Variants in PWWP3B observed in about 807,000 individuals in gnomAD.
PWWP3B encodes PWWP domain-containing DNA repair factor 3B.
In PWWP3B, 5 loss-of-function variants were observed where a neutral mutation model predicts 15.7. That is an observed-to-expected ratio of 0.32 (90% CI 0.17 to 0.67). The LOEUF is 0.67. Among genes scored for constraint, PWWP3B ranks in the 30% least tolerant of loss-of-function variants. The pLI is 0.74. For missense variants in PWWP3B, 519 were observed against 493.1 expected, an observed-to-expected ratio of 1.05 and a Z score of -0.50; for synonymous variants, 203 against 179.8, an observed-to-expected ratio of 1.13 and a Z score of -1.03.
intron 2 of PWWP3B, among the ~76,000 whole-genome samples, chrX:106,172,869 C>G (rs924047342): frequency 9.0e-6 from 1 of 111,645 alleles, no homozygotes; most frequent in African/African-American, 3.3e-5. Context: ...ACCAGCAGCA[C>G]CACAAACAGG....
intron 2 of PWWP3B, among the ~76,000 whole-genome samples, chrX:106,191,413 T>C (rs1163126949): frequency 8.9e-6 from 1 of 111,958 alleles, no homozygotes; most frequent in East Asian, 2.8e-4. Flanking sequence ...TTTGCTGAAG[T>C]TGCTTATCAG....
chrX:106,202,463 T>C (rs1923757067), intron 2 of PWWP3B, among the ~76,000 whole-genome samples: 1 of 111,853 alleles, frequency 8.9e-6, no homozygotes. Flanking sequence ...TAAACACACA[T>C]AGACACACAA....
In PWWP3B at chrX:106,175,054, A is replaced by AAAG. The variant is rs1225849554; in HGVS notation, c.-401+3921_-401+3923dup. On this transcript the variant is annotated intron_variant, in intron 2 of 3. Coordinates refer to ENST00000357175, the MANE Select transcript of PWWP3B (RefSeq NM_001171020.2). Reference sequence around the variant, plus strand: ...AGACTCTGTCTCAAAAAAAAAAAAAAAAGAAGAAAAAAGCATAGTGCATGA... The same window carrying AAAG: ...AGACTCTGTCTCAAAAAAAAAAAAAAAAGAAGAAGAAAAAAGCATAGTGCATGA... Among the ~76,000 whole-genome samples the AAAG allele has an allele frequency of 5.9e-3, 633 of 106,988 alleles. 3 individuals are homozygous for AAAG. Among genetic ancestry groups the AAAG allele is most frequent in the African/African-American group, 0.021 (602 of 29,180 alleles). 92.9% of individuals were successfully genotyped at this position (106,988 alleles called of 115,157 possible).
At chrX:106,171,278 T>C (rs1921599469) in intron 2 of PWWP3B, 139 bp downstream of exon 2, 1 of 112,376 alleles carries the variant, frequency 8.9e-6, no homozygotes, top group African/African-American at 3.2e-5. Context: ...GTAAGGATTA[T>C]GTTAGGTTGA....
intron 2 of PWWP3B, among the ~76,000 whole-genome samples, chrX:106,199,274 T>C (rs1388905321): frequency 1.8e-5 from 2 of 111,359 alleles, no homozygotes; most frequent in East Asian, 2.8e-4. Flanking sequence ...GCCAGAATGG[T>C]CTTGATCTCC....
chrX:106,185,945 G>A (rs1210745614), intron 2 of PWWP3B, among the ~76,000 whole-genome samples: 5 of 112,136 alleles, frequency 4.5e-5, no homozygotes, highest in African/African-American at 1.6e-4. Context: ...CCACCATGGG[G>A]CTTTGGGCAA....
intron 2 of PWWP3B, among the ~76,000 whole-genome samples, chrX:106,182,207 A>G (rs758333188): frequency 8.9e-6 from 1 of 112,121 alleles, no homozygotes; most frequent in South Asian, 3.7e-4. Context: ...ATTTCTTGCA[A>G]ACTATCTGAG....
intron 2 of PWWP3B, among the ~76,000 whole-genome samples, chrX:106,195,644 G>A (rs955191947): frequency 9.0e-6 from 1 of 111,690 alleles, no homozygotes; most frequent in African/African-American, 3.3e-5. Flanking sequence ...TGGTCTCTTT[G>A]CATTCTATTG....
intron 2 of PWWP3B, among the ~76,000 whole-genome samples, chrX:106,191,794 A>G (rs1446858605): frequency 9.0e-6 from 1 of 111,643 alleles, no homozygotes; most frequent in African/African-American, 3.3e-5. Context: ...ATCTATTGAG[A>G]TAATCATGTG....
At chrX:106,183,846 T>G (rs1480216775) in intron 2 of PWWP3B, among the ~76,000 whole-genome samples, 4 of 112,456 alleles carry the variant, frequency 3.6e-5, no homozygotes, top group Admixed American at 9.4e-5. Context: ...CTGGTCACCC[T>G]CAGTCCTGTT....
rs1047146996 is a variant in PWWP3B, at chrX:106,177,601, C to T, written c.-401+6462C>T. Among the ~76,000 whole-genome samples the T allele has an allele frequency of 9.8e-5, 11 of 112,412 alleles. 2 individuals carry two copies. The highest frequency in any genetic ancestry group is 4.7e-4 in the Admixed American group (5 of 10,647). ...AATTACAGTTTCTAAATTAAGACTT[C>T]GGTGAGACGTGCTGTTCGTGTTAAT... On this transcript the variant is annotated intron_variant, in intron 2 of 3. Transcript: ENST00000357175.
At chrX:106,189,036 T>TTTTCATTTCTCTTGAGTAAATACTTAGGA (rs1922700996) in intron 2 of PWWP3B, among the ~76,000 whole-genome samples, 1 of 112,030 alleles carries the variant, frequency 8.9e-6, no homozygotes. Context: ...TTCTTGGTTT[T>TTTTCATTTCTCTTGAGTAAATACTTAGGA]ATGGTAGGTG....
chrX:106,194,378 GT>G (rs1200959282), intron 2 of PWWP3B, among the ~76,000 whole-genome samples: 7 of 111,825 alleles, frequency 6.3e-5, no homozygotes, highest in African/African-American at 2.3e-4. Flanking sequence ...TCGTGCCTTG[GT>G]TTTCCGCTCC....
rs1346669752 is a variant in PWWP3B, at chrX:106,206,877, G to A, written c.1445G>A (p.Cys482Tyr). Residue 482 changes from cysteine (C) to tyrosine (Y), a missense_variant, in exon 4 of 4, where the codon TGT becomes TAT. Coordinates refer to ENST00000357175, the MANE Select transcript of PWWP3B (RefSeq NM_001171020.2). ...LICDYRVRIG[C>Y]GSFTGSLLEY... ...TGTGACTACAGAGTTAGAATAGGTT[G>A]TGGTTCTTTCACGGGCTCTTTGCTT... 8.3e-7 allele frequency: 1 copy of A among 1,209,684 alleles called. No homozygotes were observed. Among genetic ancestry groups the A allele is most frequent in the Non-Finnish European group, 1.1e-6 (1 of 895,059 alleles).
At chrX:106,203,398 C>T (rs1416120088) in intron 2 of PWWP3B, among the ~76,000 whole-genome samples, 1 of 111,467 alleles carries the variant, frequency 9.0e-6, no homozygotes, top group Non-Finnish European at 1.9e-5. Flanking sequence ...AGACTCCTGG[C>T]TAGCTGTATG....
At chrX:106,170,337 T>C in intron 1 of PWWP3B, among the ~76,000 whole-genome samples, 1 of 112,248 alleles carries the variant, frequency 8.9e-6, no homozygotes, top group African/African-American at 3.2e-5. Flanking sequence ...ATTTCCTTTC[T>C]TCTTTGGAAA....
chrX:106,205,282 A>T lies in PWWP3B; in HGVS notation c.-151A>T, dbSNP rs58123790. 7.1e-3 allele frequency: 3,371 copies of T among 473,243 alleles called. 79 individuals are homozygous for T. In the African/African-American group the frequency reaches 0.073, roughly 10 times the overall value. 39.0% of individuals were successfully genotyped at this position (473,243 alleles called of 1,213,427 possible). A position where few individuals can be genotyped will look rare whatever the true frequency, so the allele number is the denominator to read the frequency against. ...GCATCCTTGGAAAATTGAGGTGGAG[A>T]ACAGGCCACACAAGCTGTAAACCCT... On this transcript the variant is annotated 5_prime_UTR_variant, in exon 4 of 4. Coordinates refer to ENST00000357175, the MANE Select transcript of PWWP3B (RefSeq NM_001171020.2).
At chrX:106,173,694 C>CA in intron 2 of PWWP3B, among the ~76,000 whole-genome samples, 1 of 111,658 alleles carries the variant, frequency 9.0e-6, no homozygotes, top group East Asian at 2.8e-4. Flanking sequence ...CAAAAACAAA[C>CA]AAAAAACAGC....
intron 2 of PWWP3B, among the ~76,000 whole-genome samples, chrX:106,188,250 C>T (rs767083312): frequency 4.5e-4 from 50 of 111,529 alleles, no homozygotes; most frequent in Admixed American, 1.4e-3. Flanking sequence ...AGGTGCCCCC[C>T]CCATGTTTTA....
Sources: gnomAD v4.1 joint callset for allele counts (sites outside exome capture counted in the v4.1 genomes callset) on GRCh38, gnomAD v4.1.1 for gene constraint, MANE v1.5 for transcripts, NCBI Gene and HGNC (gene_info 2026-07-23, HGNC 2026-07-21) for gene names.